The following DHX9 variants were observed in gnomAD, a reference collection of about 807,000 sequenced individuals.
DHX9 encodes ATP-dependent RNA helicase A.
A neutral mutation model predicts 148.7 loss-of-function variants in DHX9; 27 were observed. The observed-to-expected ratio is 0.18, with a 90% CI of 0.13 to 0.25. The LOEUF is 0.25. DHX9 is among the 10% of genes least tolerant of loss of function. The probability of loss-of-function intolerance (pLI) is 1.00; values close to 1 mark genes in which losing one functional copy is unlikely to be tolerated. For synonymous variants in DHX9, 529 were observed against 516.6 expected, an observed-to-expected ratio of 1.02 and a Z score of -0.33; for missense variants, 796 against 1,559.6, an observed-to-expected ratio of 0.51 and a Z score of 8.25.
chr1:182,843,145 T>C (rs1667961703), intron 2 of DHX9, 149 bp from the exon 3 acceptor site: 2 of 498,518 alleles, frequency 4.0e-6, no homozygotes, highest in South Asian at 1.7e-4. Context: ...CAGTAGCTCA[T>C]GCATTCTCTT....
intron 1 of DHX9, among the ~76,000 whole-genome samples, chr1:182,841,288 C>G (rs748514259): frequency 2.2e-4 from 33 of 147,066 alleles, no homozygotes; most frequent in Non-Finnish European, 4.0e-4. Flanking sequence ...GAGACTCCGT[C>G]TCAAAAAAAA....
intron 19 of DHX9, 136 bp downstream of exon 19, chr1:182,877,039 G>T: frequency 1.8e-6 from 1 of 542,120 alleles, no homozygotes; most frequent in Non-Finnish European, 3.3e-6. Flanking sequence ...CATCTATATA[G>T]CATTATAGGT....
At chr1:182,880,700 A>C (rs80315267) in intron 22 of DHX9, 92 bp downstream of exon 22, 26 of 465,456 alleles carry the variant, frequency 5.6e-5, no homozygotes, top group Non-Finnish European at 8.5e-5. Flanking sequence ...TCAGATAGAC[A>C]AAAAAAAAAT....
At position 182,878,597 on chromosome 1, in the gene DHX9, A is replaced by G. The variant is rs1168245217; in HGVS notation, c.2351+424A>G. On this transcript the variant is annotated intron_variant, in intron 20 of 27. Transcript: ENST00000367549. ...GTGTATGGCACATCATGATCTCCCA[A>G]TAAGTGTTTGCTGTTGTTAATTTAT... 2.6e-5 allele frequency among the ~76,000 whole-genome samples: 4 copies of G among 152,192 alleles called. No homozygotes were observed. The East Asian group carries it at 7.7e-4, about 29-fold the overall frequency.
intron 3 of DHX9, among the ~76,000 whole-genome samples, chr1:182,847,902 G>T (rs941889465): frequency 6.6e-6 from 1 of 152,062 alleles, no homozygotes; most frequent in Non-Finnish European, 1.5e-5. Context: ...TATTTTACCT[G>T]CAGGAGGGTC....
rs1049248 is a variant in DHX9, at chr1:182,866,543, A to G, written c.1432A>G (p.Ile478Val). The change falls in exon 13 of 28, where the codon ATA (isoleucine) becomes GTA (valine). Residue 478 changes from isoleucine to valine, a missense_variant. By Grantham distance (29) the Ile-to-Val change is conservative (BLOSUM62 3). Transcript: ENST00000367549. ...SCGYSVRFESILPRPHASIMF... is the reference protein window; with the variant it reads ...SCGYSVRFESVLPRPHASIMF... ...TGGCTACAGCGTTCGATTTGAGTCTATACTTCCTCGTCCTCATGCCAGTAT... is the reference window on the plus strand; with the variant it reads ...TGGCTACAGCGTTCGATTTGAGTCTGTACTTCCTCGTCCTCATGCCAGTAT... The G allele has an allele frequency of 4.3e-6, 7 of 1,614,058 alleles. No homozygotes were observed. The highest frequency in any genetic ancestry group is 2.2e-5 in the South Asian group (2 of 91,092).
At chr1:182,853,245 A>T (rs1466856250) in intron 4 of DHX9, 61 bp from the exon 5 acceptor site, 11 of 1,168,272 alleles carry the variant, frequency 9.4e-6, no homozygotes, top group Non-Finnish European at 1.4e-5. Context: ...ATAATTCTTT[A>T]ATGTATTTAG....
chr1:182,868,540 G>GTTTTTTTTTTTTTTTTT (rs1648405027), intron 14 of DHX9, among the ~76,000 whole-genome samples: 1 of 98,462 alleles, frequency 1.0e-5, no homozygotes, highest in African/African-American at 1.1e-4. Flanking sequence ...TTTTTGAGGA[G>GTTTTTTTTTTTTTTTTT]TCTTGCCCTT....
intron 24 of DHX9, among the ~76,000 whole-genome samples, chr1:182,882,148 G>T (rs896072733): frequency 1.3e-5 from 2 of 152,204 alleles, no homozygotes; most frequent in African/African-American, 2.4e-5. Context: ...ACTAAACAAA[G>T]TAGTGAGTGG....
chr1:182,841,320 TTAAATA>T (rs1323756966), intron 1 of DHX9, among the ~76,000 whole-genome samples: 1 of 152,124 alleles, frequency 6.6e-6, no homozygotes, highest in African/African-American at 2.4e-5. Flanking sequence ...AGACTAAAGT[TTAAATA>T]TATGTATTTG....
chr1:182,853,417 C>T lies in DHX9; in HGVS notation c.476C>T (p.Ala159Val), dbSNP rs1668192969. ...YSRKEEQEVQ[A>V]TLESEEVDLN... ...AGAAAGGAAGAACAAGAAGTGCAAG[C>T]GGTAAGGCCAGCACCGTAGGTTACA... The change falls in exon 5 of 28, where the codon GCG (alanine) becomes GTG (valine). Residue 159 changes from alanine (A) to valine (V), a missense_variant and splice_region_variant. Ala to Val is a moderately conservative substitution (Grantham distance 64). Around this residue, in one of 14 missense-constraint regions of DHX9, gnomAD observed 46 missense variants for 136.3 expected, o/e 0.34. Coordinates refer to ENST00000367549, the MANE Select transcript of DHX9 (RefSeq NM_001357.5). 2 of 1,611,282 alleles carry T rather than the reference C, an allele frequency of 1.2e-6. No individual in the cohort carries two copies. The highest frequency in any genetic ancestry group is 2.2e-5 in the East Asian group (1 of 44,834).
In DHX9 at chr1:182,884,810, C is replaced by G; in HGVS notation, c.3458C>G (p.Thr1153Arg). ...AAGINLMIGS[T>R]RYGDGPRPPK... Reference sequence around the variant, plus strand: ...GGTATCAACCTTATGATTGGCAGTACACGGTGAGTACCAATATACTTCTTA... The same window carrying G: ...GGTATCAACCTTATGATTGGCAGTAGACGGTGAGTACCAATATACTTCTTA... Residue 1153 changes from threonine to arginine, a missense_variant, in exon 27 of 28, where the codon ACA (threonine) becomes AGA (arginine). This residue lies in a region of DHX9 where 86 missense variants were observed against 156.3 expected (regional missense o/e 0.55). Coordinates refer to ENST00000367549, the MANE Select transcript of DHX9 (RefSeq NM_001357.5). 6.2e-7 allele frequency: 1 copy of G among 1,613,972 alleles called. No individual in the cohort carries two copies.
chr1:182,882,637 C>A (rs564369319), intron 24 of DHX9, among the ~76,000 whole-genome samples: 1 of 152,078 alleles, frequency 6.6e-6, no homozygotes, highest in Non-Finnish European at 1.5e-5. Flanking sequence ...GAGGCCGAGT[C>A]AGGTGGATCA....
Position 182,887,116 on chromosome 1 carries a change from C to A in DHX9, c.3495C>A (p.Ala1165=), listed in dbSNP as rs1335475122. ...YGDGPRPPKM[A]RYDNGSGYRR... is the part of the protein sequence containing the mutation. ...ATGGTCCACGTCCTCCCAAGATGGC[C>A]CGATACGACAATGGAAGCGGATATA... is the stretch of plus-strand genomic sequence containing the variant. Residue 1165 remains alanine, a synonymous_variant, in exon 28 of 28, where the codon GCC becomes GCA. Coordinates refer to ENST00000367549, the MANE Select transcript of DHX9 (RefSeq NM_001357.5). The A allele has an allele frequency of 6.2e-7, 1 of 1,614,110 alleles. No individual in the cohort carries two copies. The highest frequency in any genetic ancestry group is 1.6e-4 in the Middle Eastern group (1 of 6,062).
rs775856607 is a variant in DHX9, at chr1:182,876,437, T to C, written c.2030-10T>C. The C allele has an allele frequency of 6.2e-7, 1 of 1,611,456 alleles. No individual in the cohort carries two copies. Among genetic ancestry groups the C allele is most frequent in the Non-Finnish European group, 8.5e-7 (1 of 1,177,770 alleles). On this transcript the variant is annotated splice_polypyrimidine_tract_variant and intron_variant, in intron 17 of 27. Transcript: ENST00000367549. ...TTTTTAGTCCCTGATTGTTCTTTAT[T>C]GTTATATAGGAAGCCATCGGTATCA...
chr1:182,862,943 G>T (rs1191831367), intron 12 of DHX9, among the ~76,000 whole-genome samples: 1 of 152,202 alleles, frequency 6.6e-6, no homozygotes, highest in Non-Finnish European at 1.5e-5. Context: ...AGACAGAAGT[G>T]TGGGGAAGAG....
intron 4 of DHX9, among the ~76,000 whole-genome samples, chr1:182,852,949 CAG>C (rs1345058146): frequency 1.0e-5 from 1 of 96,472 alleles, no homozygotes; most frequent in Non-Finnish European, 1.8e-5. Context: ...CTTTTTGAGG[CAG>C]AGTCTTGCTC....
chr1:182,850,687 G>T (rs1401429643), intron 3 of DHX9, among the ~76,000 whole-genome samples: 2 of 151,990 alleles, frequency 1.3e-5, no homozygotes, highest in Non-Finnish European at 2.9e-5. Context: ...GCTAAAATCT[G>T]TGTATTTTTG....
At position 182,876,923 on chromosome 1, in the gene DHX9, A is replaced by G. The variant is rs371272097; in HGVS notation, c.2198+20A>G. On this transcript the variant is annotated intron_variant, in intron 19 of 27. Coordinates refer to ENST00000367549, the MANE Select transcript of DHX9 (RefSeq NM_001357.5). ...CTGCAAGTAAGTTACTGGGAAACCT[A>G]TTTGTCTGCTCCAGTGTTACTAACT... is the stretch of plus-strand genomic sequence containing the variant. 39 of 1,580,218 alleles carry G rather than the reference A, an allele frequency of 2.5e-5. No homozygotes were observed. Among genetic ancestry groups the G allele is most frequent in the African/African-American group, 1.5e-4 (11 of 74,134 alleles).
Sources: gnomAD v4.1 joint callset for allele counts (sites outside exome capture counted in the v4.1 genomes callset) on GRCh38, gnomAD v4.1.1 for gene constraint, gnomAD v4.1.1 regional missense constraint, MANE v1.5 for transcripts, NCBI Gene and HGNC (gene_info 2026-07-23, HGNC 2026-07-21) for gene names.